The following SGCZ variants were observed in gnomAD, a reference collection of about 807,000 sequenced individuals.
SGCZ encodes the protein zeta-sarcoglycan.
Under a neutral mutation model 41.3 loss-of-function variants are expected in SGCZ, and 40 were observed. The observed-to-expected ratio is 0.97, with a 90% CI of 0.75 to 1.26. The LOEUF is 1.26. SGCZ is among the 50% of genes most tolerant of loss of function. The probability of loss-of-function intolerance (pLI) is 0.00; values close to 1 mark genes in which losing one functional copy is unlikely to be tolerated. For synonymous variants in SGCZ, 206 were observed against 137.5 expected (o/e 1.50, Z -3.49); for missense variants, 552 against 369.8 (o/e 1.49, Z -4.04).
chr8:14,417,000 G>T (rs1036033697), intron 2 of SGCZ, among the ~76,000 whole-genome samples: 13 of 151,804 alleles, frequency 8.6e-5, no homozygotes, highest in African/African-American at 3.1e-4. Flanking sequence ...GAGTTAAATT[G>T]TTATCTTTGA....
chr8:14,388,031 G>T (rs1047260846), intron 2 of SGCZ, among the ~76,000 whole-genome samples: 1 of 152,130 alleles, frequency 6.6e-6, no homozygotes, highest in African/African-American at 2.4e-5. Context: ...CACACAAGGT[G>T]ACTGTGCAGT....
At chr8:14,659,930 T>C (rs1379895379) in intron 1 of SGCZ, among the ~76,000 whole-genome samples, 1 of 152,074 alleles carries the variant, frequency 6.6e-6, no homozygotes, top group Non-Finnish European at 1.5e-5. Flanking sequence ...AAGGGGAAAT[T>C]TGCACCCAGT....
At chr8:15,063,906 T>C (rs1447106196) in intron 1 of SGCZ, among the ~76,000 whole-genome samples, 1 of 152,172 alleles carries the variant, frequency 6.6e-6, no homozygotes, top group Admixed American at 6.5e-5. Context: ...CAGTCGAGTG[T>C]TGCCCTGAGT....
intron 1 of SGCZ, among the ~76,000 whole-genome samples, chr8:15,042,260 A>C (rs2130979466): frequency 2.0e-5 from 3 of 152,282 alleles, no homozygotes; most frequent in Middle Eastern, 6.8e-3. Flanking sequence ...GATCAGAAGA[A>C]AGCTAATGCC....
intron 2 of SGCZ, among the ~76,000 whole-genome samples, chr8:14,492,158 G>A (rs1208227528): frequency 6.6e-6 from 1 of 152,106 alleles, no homozygotes; most frequent in Non-Finnish European, 1.5e-5. Context: ...TTATAGATAA[G>A]ATTTATGATG....
intron 1 of SGCZ, among the ~76,000 whole-genome samples, chr8:14,976,459 A>G (rs1801481942): frequency 6.6e-6 from 1 of 152,288 alleles, no homozygotes; most frequent in South Asian, 2.1e-4. Flanking sequence ...TATCATTACC[A>G]TTCCAATTTT....
chr8:14,647,753 G>A (rs1249002299), intron 1 of SGCZ, among the ~76,000 whole-genome samples: 3 of 151,960 alleles, frequency 2.0e-5, no homozygotes, highest in Non-Finnish European at 4.4e-5. Context: ...TTAAAGCAGG[G>A]TGAGAAACCT....
intron 2 of SGCZ, among the ~76,000 whole-genome samples, chr8:14,516,004 T>A (rs974518427): frequency 4.6e-5 from 7 of 151,602 alleles, no homozygotes; most frequent in Admixed American, 2.0e-4. Context: ...AGTTTTTTTT[T>A]AATTTAAGAA....
chr8:14,588,980 C>A (rs1805153190), intron 1 of SGCZ, among the ~76,000 whole-genome samples: 1 of 152,008 alleles, frequency 6.6e-6, no homozygotes, highest in Non-Finnish European at 1.5e-5. Flanking sequence ...ATGATGAGTA[C>A]AATGAATTTT....
chr8:14,852,040 G>C (rs1226900982), intron 1 of SGCZ, among the ~76,000 whole-genome samples: 1 of 152,056 alleles, frequency 6.6e-6, no homozygotes, highest in Non-Finnish European at 1.5e-5. Flanking sequence ...TGTCCCCTCA[G>C]GTTAAAGATT....
intron 1 of SGCZ, among the ~76,000 whole-genome samples, chr8:14,580,791 G>A (rs1055850849): frequency 3.4e-4 from 52 of 152,184 alleles, no homozygotes; most frequent in African/African-American, 1.2e-3. Context: ...ACTATCACAT[G>A]TGCCATTCTG....
chr8:14,507,831 G>T (rs565434325), intron 2 of SGCZ, among the ~76,000 whole-genome samples: 130 of 150,964 alleles, frequency 8.6e-4, no homozygotes, highest in African/African-American at 2.8e-3. Context: ...GAGTGCAATG[G>T]CGCGATCTCA....
chr8:14,506,679 T>G (rs1802314790), intron 2 of SGCZ, among the ~76,000 whole-genome samples: 1 of 152,192 alleles, frequency 6.6e-6, no homozygotes, highest in African/African-American at 2.4e-5. Context: ...CCTTCCCCAT[T>G]TATAATGCTG....
intron 1 of SGCZ, among the ~76,000 whole-genome samples, chr8:14,837,088 C>A (rs1302316001): frequency 6.6e-6 from 1 of 152,140 alleles, no homozygotes. Context: ...TTACAATTTG[C>A]CAGACACAAA....
intron 1 of SGCZ, among the ~76,000 whole-genome samples, chr8:14,779,874 TA>T (rs1800532168): frequency 6.6e-6 from 1 of 152,228 alleles, no homozygotes; most frequent in Non-Finnish European, 1.5e-5. Flanking sequence ...TTAAATTGTT[TA>T]AAGATTACAT....
chr8:14,926,219 C>G (rs1383661583), intron 1 of SGCZ, among the ~76,000 whole-genome samples: 2 of 152,084 alleles, frequency 1.3e-5, no homozygotes, highest in East Asian at 3.8e-4. Flanking sequence ...TTCTTATACT[C>G]ATTTGTCGTT....
intron 3 of SGCZ, among the ~76,000 whole-genome samples, chr8:14,255,348 T>C (rs185882731): frequency 2.6e-5 from 4 of 152,280 alleles, no homozygotes; most frequent in South Asian, 4.1e-4. Context: ...CTCCTGCTCA[T>C]TCGAAGATGT....
intron 1 of SGCZ, among the ~76,000 whole-genome samples, chr8:15,032,813 C>A (rs1287366211): frequency 1.3e-5 from 2 of 152,090 alleles, no homozygotes; most frequent in Admixed American, 6.5e-5. Flanking sequence ...ATCAGGCTAG[C>A]ACCCACAAAC....
rs138897372 is a variant in SGCZ at position 14,416,798 on chromosome 8, G to A, written c.235-92594C>T. Among the ~76,000 whole-genome samples, 452 of 151,902 alleles carry A rather than the reference G, an allele frequency of 3.0e-3. 2 individuals carry two copies. Among genetic ancestry groups the A allele is most frequent in the African/African-American group, 0.01 (432 of 41,514 alleles). On this transcript the variant is annotated intron_variant, in intron 2 of 7. Transcript: ENST00000382080. ...TGCCTGGGACTCAATTTATTTTCCT[G>A]TAAATTGGAGAGAGCAATATACATC...
Sources: allele counts gnomAD v4.1 joint callset (sites outside exome capture counted in the v4.1 genomes callset), GRCh38; gene constraint gnomAD v4.1.1; transcripts MANE v1.5; gene names NCBI Gene and HGNC (gene_info 2026-07-23, HGNC 2026-07-21).